FGF14: variants seen among roughly 807,000 people sequenced by gnomAD.
The protein encoded by FGF14 is fibroblast growth factor 14.
A neutral mutation model predicts 25.5 loss-of-function variants in FGF14; 5 were observed. The observed-to-expected ratio is 0.20, with a 90% CI of 0.10 to 0.41. The LOEUF (loss-of-function observed/expected upper bound fraction) is 0.41, where lower values mean the gene tolerates loss of function less well. FGF14 is among the 10% of genes least tolerant of loss of function. The pLI, the probability that FGF14 is intolerant of heterozygous loss-of-function variation, is 1.00. For missense variants in FGF14, 222 were observed against 320.1 expected (o/e 0.69, Z 2.34); for synonymous variants, 138 against 118.3 (o/e 1.17, Z -1.08).
chr13:102,147,068 A>C (rs1301217322), intron 1 of FGF14, among the ~76,000 whole-genome samples: 1 of 152,222 alleles, frequency 6.6e-6, no homozygotes, highest in Non-Finnish European at 1.5e-5. Context: ...GCCCCACAGA[A>C]TATATTATGG....
chr13:101,896,996 A>G (rs1488360854), intron 1 of FGF14, among the ~76,000 whole-genome samples: 1 of 152,232 alleles, frequency 6.6e-6, no homozygotes, highest in African/African-American at 2.4e-5. Flanking sequence ...AGATGGAAGT[A>G]AGTAACAAAT....
intron 1 of FGF14, among the ~76,000 whole-genome samples, chr13:102,188,207 TTA>T (rs2048949222): frequency 6.6e-6 from 1 of 152,122 alleles, no homozygotes; most frequent in East Asian, 1.9e-4. Flanking sequence ...CAGTGAGATA[TTA>T]GAGGCCAAAA....
chr13:102,161,659 AAGAAG>A (rs2047741545), intron 1 of FGF14, among the ~76,000 whole-genome samples: 3 of 27,460 alleles, frequency 1.1e-4, no homozygotes, highest in Non-Finnish European at 1.7e-4. Flanking sequence ...GAAGAAGAAG[AAGAAG>A]AAGAAGAAGA....
intron 1 of FGF14, among the ~76,000 whole-genome samples, chr13:102,380,121 C>A (rs764390444): frequency 4.0e-5 from 6 of 151,666 alleles, no homozygotes; most frequent in Non-Finnish European, 8.8e-5. Flanking sequence ...TGCAAGATAA[C>A]CAAATATTTA....
chr13:101,789,969 G>C (rs927642131), intron 3 of FGF14, among the ~76,000 whole-genome samples: 1 of 150,962 alleles, frequency 6.6e-6, no homozygotes, highest in African/African-American at 2.4e-5. Context: ...AATGTATACT[G>C]AAAGAGGCTT....
chr13:101,764,688 C>T (rs7338070), intron 3 of FGF14, among the ~76,000 whole-genome samples: 2,130 of 152,218 alleles, frequency 0.014, 49 homozygotes, highest in African/African-American at 0.049. Flanking sequence ...TAGTGGGATT[C>T]CTGGTCTCTA....
intron 1 of FGF14, among the ~76,000 whole-genome samples, chr13:102,391,162 GAC>G (rs1299164875): frequency 3.3e-5 from 5 of 152,082 alleles, no homozygotes; most frequent in Admixed American, 1.3e-4. Context: ...TGAAAAACAT[GAC>G]TAAAAAATAT....
At chr13:102,158,571 AATG>A in intron 1 of FGF14, among the ~76,000 whole-genome samples, 1 of 152,116 alleles carries the variant, frequency 6.6e-6, no homozygotes, top group African/African-American at 2.4e-5. Context: ...CCTAATGTTA[AATG>A]ATGAGTTAAT....
At chr13:101,727,051 T>A (rs1011961987) in intron 3 of FGF14, among the ~76,000 whole-genome samples, 1 of 152,026 alleles carries the variant, frequency 6.6e-6, no homozygotes, top group Non-Finnish European at 1.5e-5. Context: ...AAACAATACA[T>A]GAGCAAACTA....
At chr13:101,996,562 A>G (rs2039197695) in intron 1 of FGF14, among the ~76,000 whole-genome samples, 1 of 152,194 alleles carries the variant, frequency 6.6e-6, no homozygotes, top group Admixed American at 6.5e-5. Context: ...GAGATAAAAT[A>G]TAACTTGGGT....
intron 3 of FGF14, among the ~76,000 whole-genome samples, chr13:101,733,837 A>G (rs1182296967): frequency 6.6e-6 from 1 of 151,518 alleles, no homozygotes; most frequent in East Asian, 1.9e-4. Flanking sequence ...ACAATAATTT[A>G]TTTATTAAAT....
At chr13:101,903,235 T>TGCG (rs2031796989) in intron 1 of FGF14, among the ~76,000 whole-genome samples, 1 of 128,346 alleles carries the variant, frequency 7.8e-6, no homozygotes, top group Admixed American at 8.5e-5. Flanking sequence ...AGACTCTAAT[T>TGCG]GTGGTGTGTG....
intron 3 of FGF14, among the ~76,000 whole-genome samples, chr13:101,820,778 C>CCACACACA (rs869232661): frequency 3.5e-5 from 1 of 28,534 alleles, no homozygotes; most frequent in South Asian, 1.7e-3. Flanking sequence ...ACACCACACA[C>CCACACACA]CACACACACA....
At chr13:102,302,911 A>G (rs1346983011) in intron 1 of FGF14, among the ~76,000 whole-genome samples, 1 of 151,634 alleles carries the variant, frequency 6.6e-6, no homozygotes, top group Non-Finnish European at 1.5e-5. Context: ...CTTATAAAAC[A>G]TAAGTCAGAT....
intron 1 of FGF14, among the ~76,000 whole-genome samples, chr13:102,011,660 T>G (rs1255645109): frequency 6.6e-6 from 1 of 152,162 alleles, no homozygotes; most frequent in African/African-American, 2.4e-5. Flanking sequence ...TCAGAATGAC[T>G]TTTGGAAGAT....
intron 1 of FGF14, among the ~76,000 whole-genome samples, chr13:102,004,339 C>A (rs4576934): frequency 0.5 from 75,624 of 151,978 alleles, 22,330 homozygotes; most frequent in African/African-American, 0.81. Context: ...CAGGAGTAGA[C>A]AACAGCTGTT....
At chr13:102,052,549 CA>C (rs1021269582) in intron 1 of FGF14, among the ~76,000 whole-genome samples, 1 of 151,302 alleles carries the variant, frequency 6.6e-6, no homozygotes, top group African/African-American at 2.4e-5. Flanking sequence ...AAAAGCAAAT[CA>C]TATATTAGAG....
chr13:102,076,861 C>G (rs1387634773), intron 1 of FGF14, among the ~76,000 whole-genome samples: 4 of 152,056 alleles, frequency 2.6e-5, no homozygotes, highest in Non-Finnish European at 2.9e-5. Context: ...ATCACATTAC[C>G]TGACTTCAAA....
intron 1 of FGF14, among the ~76,000 whole-genome samples, chr13:102,199,800 C>G (rs1038352851): frequency 3.9e-5 from 6 of 152,152 alleles, no homozygotes; most frequent in African/African-American, 7.2e-5. Flanking sequence ...TTTCTTCTTT[C>G]TCAGTGTGCC....
Sources: gnomAD v4.1 joint callset for allele counts (sites outside exome capture counted in the v4.1 genomes callset) on GRCh38, gnomAD v4.1.1 for gene constraint, MANE v1.5 for transcripts, NCBI Gene and HGNC (gene_info 2026-07-23, HGNC 2026-07-21) for gene names.